The following GRIK2 variants were observed in gnomAD, a reference collection of about 807,000 sequenced individuals.
GRIK2 encodes glutamate ionotropic receptor kainate type subunit 2.
In GRIK2, 32 loss-of-function variants were observed where a neutral mutation model predicts 100.3. That is an observed-to-expected ratio of 0.32 (90% CI 0.24 to 0.43). The LOEUF is 0.43. Ranked by LOEUF, GRIK2 falls within the 20% of genes least tolerant of loss-of-function variation. GRIK2 has a pLI of 1.00. For missense variants in GRIK2, 843 were observed against 1,114.9 expected, an observed-to-expected ratio of 0.76 and a Z score of 3.47; for synonymous variants, 417 against 389.4, an observed-to-expected ratio of 1.07 and a Z score of -0.83.
intron 2 of GRIK2, among the ~76,000 whole-genome samples, chr6:101,540,026 G>T (rs1775907509): frequency 6.6e-6 from 1 of 151,640 alleles, no homozygotes; most frequent in South Asian, 2.1e-4. Context: ...TGCCAATAAA[G>T]TAATATTTCT....
chr6:101,900,437 A>G (rs1322291383), intron 12 of GRIK2, among the ~76,000 whole-genome samples: 2 of 152,186 alleles, frequency 1.3e-5, no homozygotes, highest in Non-Finnish European at 2.9e-5. Context: ...AGATCGCGCC[A>G]TTGCACTCCA....
chr6:102,065,959 C>A, intron 16 of GRIK2: 1 of 1,229,224 alleles, frequency 8.1e-7, no homozygotes, highest in Non-Finnish European at 1.1e-6. Flanking sequence ...AACACTGTTT[C>A]CATATACTGG....
chr6:101,653,866 C>G (rs973669181), intron 4 of GRIK2, among the ~76,000 whole-genome samples: 8 of 152,128 alleles, frequency 5.3e-5, no homozygotes, highest in African/African-American at 1.9e-4. Context: ...GGTGAACCAC[C>G]TGCCTCGGCC....
At chr6:101,656,807 AAGC>A (rs1276453842) in intron 4 of GRIK2, among the ~76,000 whole-genome samples, 1 of 152,236 alleles carries the variant, frequency 6.6e-6, no homozygotes, top group African/African-American at 2.4e-5. Context: ...AGTTTCTTAA[AAGC>A]AGAGGCTTGC....
intron 2 of GRIK2, among the ~76,000 whole-genome samples, chr6:101,416,417 G>C (rs1049826952): frequency 2.0e-5 from 3 of 152,114 alleles, no homozygotes; most frequent in African/African-American, 7.2e-5. Context: ...TGGTGAGGCT[G>C]GGGCAGGGGA....
At chr6:101,753,270 G>A (rs1159646614) in intron 7 of GRIK2, among the ~76,000 whole-genome samples, 1 of 134,806 alleles carries the variant, frequency 7.4e-6, no homozygotes, top group African/African-American at 2.9e-5. Flanking sequence ...GCGGCAGAGC[G>A]AGACTCCGTC....
At chr6:101,983,885 C>T (rs773939073) in intron 14 of GRIK2, among the ~76,000 whole-genome samples, 12 of 151,504 alleles carry the variant, frequency 7.9e-5, no homozygotes, top group Non-Finnish European at 1.6e-4. Flanking sequence ...TTTTAGAAAA[C>T]AAATTTGAGA....
chr6:101,548,675 C>G (rs570141553), intron 2 of GRIK2, among the ~76,000 whole-genome samples: 1 of 152,122 alleles, frequency 6.6e-6, no homozygotes, highest in South Asian at 2.1e-4. Flanking sequence ...CTTTTATCAT[C>G]ATTGTCATCA....
rs532205993 is a variant in GRIK2, at chr6:101,600,953, C to CCAG, written c.116-20993_116-20991dup. Among the ~76,000 whole-genome samples, 838 of 151,808 alleles carry CCAG rather than the reference C, an allele frequency of 5.5e-3. 7 individuals carry two copies. The highest frequency in any genetic ancestry group is 8.8e-3 in the Non-Finnish European group (600 of 67,830). On this transcript the variant is annotated intron_variant, in intron 2 of 16. Coordinates refer to ENST00000369134, the MANE Select transcript of GRIK2 (RefSeq NM_021956.5). ...ACTTCCACTACTGGCCTAGCCACAG[C>CCAG]CAGCACTGTGTTGAATAGGAGTGAT...
At chr6:102,053,500 G>C (rs1441282564) in intron 15 of GRIK2, among the ~76,000 whole-genome samples, 1 of 152,116 alleles carries the variant, frequency 6.6e-6, no homozygotes, top group Non-Finnish European at 1.5e-5. Context: ...CTCAGAATAT[G>C]CAAACATTTG....
chr6:101,817,531 TTGC>T (rs1471217817), intron 9 of GRIK2, among the ~76,000 whole-genome samples: 1 of 152,198 alleles, frequency 6.6e-6, no homozygotes. Flanking sequence ...CTGCTCTTCC[TTGC>T]TGCTGATCAT....
chr6:101,681,404 A>AT (rs149557882), intron 5 of GRIK2, among the ~76,000 whole-genome samples: 4,774 of 111,880 alleles, frequency 0.043, 151 homozygotes, highest in East Asian at 0.16. Context: ...TTTCTTTTCT[A>AT]TTTTTTTTTT....
chr6:101,844,619 ACATTTTC>A (rs1783701037), intron 10 of GRIK2, among the ~76,000 whole-genome samples: 1 of 152,234 alleles, frequency 6.6e-6, no homozygotes, highest in African/African-American at 2.4e-5. Context: ...AACATAGCAT[ACATTTTC>A]CATTATATGA....
At chr6:101,650,705 T>G (rs909901309) in intron 4 of GRIK2, among the ~76,000 whole-genome samples, 1 of 152,166 alleles carries the variant, frequency 6.6e-6, no homozygotes, top group African/African-American at 2.4e-5. Flanking sequence ...TTTTTCACAT[T>G]TGCTAAAAGC....
intron 12 of GRIK2, among the ~76,000 whole-genome samples, chr6:101,895,720 A>G (rs374047834): frequency 6.6e-6 from 1 of 151,790 alleles, no homozygotes; most frequent in East Asian, 1.9e-4. Flanking sequence ...ACCAAAAAAA[A>G]CGATTTCAAT....
intron 10 of GRIK2, among the ~76,000 whole-genome samples, chr6:101,853,492 T>C (rs1784254492): frequency 6.6e-6 from 1 of 152,178 alleles, no homozygotes; most frequent in African/African-American, 2.4e-5. Context: ...TTGGTGGGAA[T>C]AGAAAACAGG....
chr6:101,601,059 T>C (rs1393284192), intron 2 of GRIK2, among the ~76,000 whole-genome samples: 1 of 151,588 alleles, frequency 6.6e-6, no homozygotes, highest in African/African-American at 2.4e-5. Context: ...GTTGGCTGTG[T>C]GTTTGTCATA....
intron 14 of GRIK2, among the ~76,000 whole-genome samples, chr6:101,972,415 G>C (rs972994784): frequency 6.6e-6 from 1 of 151,876 alleles, no homozygotes. Context: ...AGAAGTATCG[G>C]TTCATGTCCT....
At chr6:101,845,001 G>A (rs1007797226) in intron 10 of GRIK2, among the ~76,000 whole-genome samples, 1 of 143,018 alleles carries the variant, frequency 7.0e-6, no homozygotes, top group African/African-American at 2.7e-5. Context: ...TTCATTGTTT[G>A]TTTGTTGTTG....
Sources: allele counts gnomAD v4.1 joint callset (sites outside exome capture counted in the v4.1 genomes callset), GRCh38; gene constraint gnomAD v4.1.1; transcripts MANE v1.5; gene names NCBI Gene and HGNC (gene_info 2026-07-23, HGNC 2026-07-21).